Variants in TM9SF2 observed in about 807,000 individuals in gnomAD.
The protein encoded by TM9SF2 is transmembrane 9 superfamily member 2, also known as 76 kDa membrane protein.
Under a neutral mutation model 84.9 loss-of-function variants are expected in TM9SF2, and 13 were observed. The observed-to-expected ratio is 0.15, with a 90% CI of 0.10 to 0.24. The LOEUF is 0.24. TM9SF2 is among the 10% of genes least tolerant of loss of function. TM9SF2 has a pLI of 1.00. For missense variants in TM9SF2, 562 were observed against 818.5 expected (o/e 0.69, Z 3.82); for synonymous variants, 273 against 285.8 (o/e 0.96, Z 0.45).
Position 99,536,677 on chromosome 13 carries a change from A to G in TM9SF2, c.531A>G (p.Gly177=). 6.2e-7 allele frequency: 1 copy of G among 1,613,794 alleles called. No individual in the cohort carries two copies. The highest frequency in any genetic ancestry group is 8.5e-7 in the Non-Finnish European group (1 of 1,179,800). The change falls in exon 5 of 17, where the codon GGA becomes GGG. Residue 177 remains glycine (G), a synonymous_variant. Coordinates refer to ENST00000376387, the MANE Select transcript of TM9SF2 (RefSeq NM_004800.3). ...VEDGQRFCNP[G]FPIGCYITDK... ...ATGGTCAGAGGTTCTGTAATCCTGG[A>G]TTTCCTATTGGCTGTTACATTACAG...
chr13:99,512,802 C>T (rs1447031947), intron 1 of TM9SF2, among the ~76,000 whole-genome samples: 1 of 152,104 alleles, frequency 6.6e-6, no homozygotes, highest in Non-Finnish European at 1.5e-5. Flanking sequence ...GGCTTAAGGG[C>T]TGAGTGAGGT....
intron 5 of TM9SF2, among the ~76,000 whole-genome samples, 186 bp from the exon 6 acceptor site, chr13:99,537,553 A>G (rs1227374186): frequency 6.6e-6 from 1 of 152,220 alleles, no homozygotes; most frequent in Non-Finnish European, 1.5e-5. Context: ...AGAAGCATAT[A>G]CCTTCCCCAA....
At position 99,529,460 on chromosome 13, in the gene TM9SF2, A is replaced by C. The variant is rs1566567145; in HGVS notation, c.334-7A>C. The C allele has an allele frequency of 6.5e-7, 1 of 1,533,258 alleles. No homozygotes were observed. The highest frequency in any genetic ancestry group is 1.3e-5 in the South Asian group (1 of 77,028). The allele number at this position is 1,533,258 out of a possible 1,614,324, so 95.0% of individuals were successfully genotyped here. On this transcript the variant is annotated splice_polypyrimidine_tract_variant and splice_region_variant and intron_variant, in intron 3 of 16. Coordinates refer to ENST00000376387, the MANE Select transcript of TM9SF2 (RefSeq NM_004800.3). ...CTGAATTTGCTTTCCACTTCCTTTT[A>C]ATACAGTTTACGTTTAATAAGAAGG...
At chr13:99,505,776 G>T (rs182600410) in intron 1 of TM9SF2, among the ~76,000 whole-genome samples, 2 of 152,138 alleles carry the variant, frequency 1.3e-5, no homozygotes, top group South Asian at 2.1e-4. Flanking sequence ...TTAGTGTGCC[G>T]AGTGGCATTC....
chr13:99,547,272 C>T (rs1024839019), intron 11 of TM9SF2, among the ~76,000 whole-genome samples, 168 bp downstream of exon 11: 2 of 152,196 alleles, frequency 1.3e-5, no homozygotes, highest in Admixed American at 6.5e-5. Flanking sequence ...TCATGAGTTA[C>T]TATCCCAAAA....
chr13:99,527,678 T>A (rs1240060723), intron 3 of TM9SF2, among the ~76,000 whole-genome samples: 1 of 152,206 alleles, frequency 6.6e-6, no homozygotes, highest in Admixed American at 6.5e-5. Context: ...GTGTGCAGCC[T>A]TATATGATTT....
intron 1 of TM9SF2, among the ~76,000 whole-genome samples, chr13:99,513,517 T>C (rs1288747959): frequency 6.6e-6 from 1 of 152,218 alleles, no homozygotes; most frequent in African/African-American, 2.4e-5. Context: ...TTACCCTAAA[T>C]TTATATGCCC....
At chr13:99,525,850 C>G (rs118098195) in intron 3 of TM9SF2, among the ~76,000 whole-genome samples, 31 of 152,122 alleles carry the variant, frequency 2.0e-4, no homozygotes, top group Non-Finnish European at 8.8e-5. Flanking sequence ...CCACCGCGCC[C>G]GGCCAGGAGG....
chr13:99,513,118 C>A (rs779162600), intron 1 of TM9SF2, among the ~76,000 whole-genome samples: 2 of 152,140 alleles, frequency 1.3e-5, no homozygotes, highest in Non-Finnish European at 2.9e-5. Flanking sequence ...CAGTTTAGAA[C>A]ATAGGAAGGA....
In TM9SF2 at chr13:99,539,436, C is replaced by A. The variant is rs750781955; in HGVS notation, c.717-10C>A. On this transcript the variant is annotated splice_polypyrimidine_tract_variant and intron_variant, in intron 6 of 16. Coordinates refer to ENST00000376387, the MANE Select transcript of TM9SF2 (RefSeq NM_004800.3). ...TTATCAGCATCTTGCCAAAATGTTT[C>A]TTCCCACAGCTTCAAACATACCCAT... The A allele has an allele frequency of 7.0e-6, 11 of 1,565,006 alleles. No individual in the cohort carries two copies. In the South Asian group the frequency reaches 1.2e-4, roughly 17 times the overall value.
In TM9SF2 at chr13:99,515,893, C is replaced by T. The variant is rs145372669; in HGVS notation, c.172-1721C>T. On this transcript the variant is annotated intron_variant, in intron 1 of 16. Coordinates refer to ENST00000376387, the MANE Select transcript of TM9SF2 (RefSeq NM_004800.3). Reference sequence around the variant, plus strand: ...GATTACAGGTATGTGCCAATACACCCGGCTAATTTTGTATTTTTAGTAGAA... The same window carrying T: ...GATTACAGGTATGTGCCAATACACCTGGCTAATTTTGTATTTTTAGTAGAA... 5.1e-3 allele frequency among the ~76,000 whole-genome samples: 774 copies of T among 152,080 alleles called. 12 individuals carry two copies. Among genetic ancestry groups the T allele is most frequent in the African/African-American group, 0.018 (729 of 41,464 alleles).
intron 15 of TM9SF2, 72 bp from the exon 16 acceptor site, chr13:99,559,291 T>C (rs1594063500): frequency 1.5e-6 from 2 of 1,348,808 alleles, no homozygotes; most frequent in East Asian, 4.9e-5. Flanking sequence ...TATGCTTGCT[T>C]TGAACCTTAG....
chr13:99,517,323 G>A (rs1350122679), intron 1 of TM9SF2, among the ~76,000 whole-genome samples: 6 of 152,000 alleles, frequency 3.9e-5, no homozygotes, highest in Non-Finnish European at 5.9e-5. Flanking sequence ...ACGGGGTCTC[G>A]CTGTATTGCC....
At chr13:99,536,850 T>TAC in intron 5 of TM9SF2, 113 bp downstream of exon 5, 8 of 1,171,358 alleles carry the variant, frequency 6.8e-6, no homozygotes. Flanking sequence ...AGTTCAGATG[T>TAC]TCTGAAGTAC....
intron 1 of TM9SF2, among the ~76,000 whole-genome samples, chr13:99,504,087 A>G (rs1263775067): frequency 6.6e-6 from 1 of 152,166 alleles, no homozygotes; most frequent in Non-Finnish European, 1.5e-5. Context: ...ACACTTTAAT[A>G]TTTATTTTCT....
At chr13:99,521,920 T>G (rs147092145) in intron 3 of TM9SF2, among the ~76,000 whole-genome samples, 2 of 152,172 alleles carry the variant, frequency 1.3e-5, no homozygotes, top group Non-Finnish European at 2.9e-5. Flanking sequence ...TTGCCCAGGC[T>G]TGTCCTGAAC....
In TM9SF2 at chr13:99,501,482, G is replaced by C. The variant is rs1180884068; in HGVS notation, c.-125G>C. 19 of 1,286,660 alleles carry C rather than the reference G, an allele frequency of 1.5e-5. No individual in the cohort carries two copies. Among genetic ancestry groups the C allele is most frequent in the Non-Finnish European group, 1.2e-5 (11 of 941,760 alleles). 79.7% of individuals were successfully genotyped at this position (1,286,660 alleles called of 1,614,324 possible). A position where few individuals can be genotyped will look rare whatever the true frequency, so the allele number is the denominator to read the frequency against. On this transcript the variant is annotated 5_prime_UTR_variant, in exon 1 of 17. Transcript: ENST00000376387. ...CCCGGGGTGTCTCCTAGCGCAACCG[G>C]AACTAGCCTTCTGGGGGCCGGCTTC...
Position 99,536,599 on chromosome 13 carries a change from C to T in TM9SF2, c.462-9C>T. 6.2e-7 allele frequency: 1 copy of T among 1,608,100 alleles called. No homozygotes were observed. Among genetic ancestry groups the T allele is most frequent in the Non-Finnish European group, 8.5e-7 (1 of 1,176,482 alleles). ...TCTTTTCTAACTTAACTCCTCTTTC[C>T]ATGTGTAGGATTGTGGATAATATGC... On this transcript the variant is annotated splice_polypyrimidine_tract_variant and intron_variant, in intron 4 of 16. Transcript: ENST00000376387.
At chr13:99,537,621 G>C (rs2046240148) in intron 5 of TM9SF2, 118 bp from the exon 6 acceptor site, 1 of 812,058 alleles carries the variant, frequency 1.2e-6, no homozygotes, top group African/African-American at 1.8e-5. Context: ...AATGTGAAAG[G>C]CTTAAAATTC....
Sources: allele counts gnomAD v4.1 joint callset (sites outside exome capture counted in the v4.1 genomes callset), GRCh38; gene constraint gnomAD v4.1.1; transcripts MANE v1.5; gene names NCBI Gene and HGNC (gene_info 2026-07-23, HGNC 2026-07-21).